The following FGF12 variants were observed in gnomAD, a reference collection of about 807,000 sequenced individuals.
The protein encoded by FGF12 is fibroblast growth factor 12B.
FGF12 carries 14 observed loss-of-function variants against 23.6 expected under a neutral mutation model. The observed-to-expected ratio is 0.59, with a 90% confidence interval of 0.39 to 0.93. FGF12 has a LOEUF of 0.93. Among genes scored for constraint, FGF12 ranks in the 40% least tolerant of loss-of-function variants. The pLI is 0.00. For synonymous variants in FGF12, 62 were observed against 77.3 expected (o/e 0.80, Z 1.04); for missense variants, 175 against 217.8 (o/e 0.80, Z 1.24).
intron 4 of FGF12, among the ~76,000 whole-genome samples, chr3:192,212,159 A>G (rs1717961061): frequency 6.6e-6 from 1 of 152,220 alleles, no homozygotes; most frequent in South Asian, 2.1e-4. Context: ...TGAGAAGTTG[A>G]TTGCTCTTCC....
intron 5 of FGF12, among the ~76,000 whole-genome samples, chr3:192,168,751 A>C (rs1253800565): frequency 2.0e-5 from 3 of 152,206 alleles, no homozygotes; most frequent in Non-Finnish European, 2.9e-5. Context: ...AGACAAAGGG[A>C]GATATGAAGA....
At chr3:192,163,613 G>A (rs922222545) in intron 5 of FGF12, among the ~76,000 whole-genome samples, 2 of 152,146 alleles carry the variant, frequency 1.3e-5, no homozygotes, top group Non-Finnish European at 2.9e-5. Context: ...TAAACCTATA[G>A]AGTCCTAGGT....
Position 192,360,365 on chromosome 3 carries a change from A to G in FGF12, c.124+63T>C. 1.7e-6 allele frequency: 2 copies of G among 1,154,398 alleles called. No individual in the cohort carries two copies. Among genetic ancestry groups the G allele is most frequent in the Middle Eastern group, 1.9e-4 (1 of 5,142 alleles). The allele number at this position is 1,154,398 out of a possible 1,614,324, so 71.5% of individuals were successfully genotyped here. On this transcript the variant is annotated intron_variant, in intron 3 of 5. Transcript: ENST00000445105. This position sits in a 1 kb window ranked among gnomAD's most constrained non-coding sequence, Gnocchi z 4.3. ...AAGGCAGCTTAGCAATGCTTTAAGT[A>G]TAAGATACACTGGGCCCTACATTTG... is the stretch of plus-strand genomic sequence containing the variant.
At chr3:192,223,839 T>A (rs1208481292) in intron 4 of FGF12, among the ~76,000 whole-genome samples, 1 of 152,154 alleles carries the variant, frequency 6.6e-6, no homozygotes, top group African/African-American at 2.4e-5. Flanking sequence ...TATTATTATA[T>A]CATTCACTAT....
intron 2 of FGF12, among the ~76,000 whole-genome samples, chr3:192,619,423 G>C (rs577385196): frequency 3.1e-4 from 47 of 152,298 alleles, no homozygotes; most frequent in African/African-American, 1.1e-3. Flanking sequence ...GCAGGACAAG[G>C]CTGAAGAAGT....
chr3:192,274,723 C>T (rs1713672762), intron 4 of FGF12, among the ~76,000 whole-genome samples: 1 of 152,180 alleles, frequency 6.6e-6, no homozygotes, highest in Non-Finnish European at 1.5e-5. Flanking sequence ...TCCAAATTAG[C>T]ATGACTGATG....
intron 2 of FGF12, among the ~76,000 whole-genome samples, chr3:192,439,976 G>GAA (rs5855427): frequency 0.046 from 5,292 of 114,018 alleles, 440 homozygotes; most frequent in African/African-American, 0.16. Flanking sequence ...ACTCCATATG[G>GAA]AAAAAAAAAA....
intron 4 of FGF12, among the ~76,000 whole-genome samples, chr3:192,188,790 G>A (rs1452021093): frequency 6.6e-6 from 1 of 152,182 alleles, no homozygotes; most frequent in Non-Finnish European, 1.5e-5. Flanking sequence ...AAGTCTGTTA[G>A]AAGACAAAGC....
At chr3:192,179,511 T>G (rs535536830) in intron 4 of FGF12, among the ~76,000 whole-genome samples, 152 of 151,632 alleles carry the variant, frequency 1.0e-3, no homozygotes, top group African/African-American at 3.3e-3. Context: ...GTTTCACATC[T>G]GTAAGTTAAG....
At chr3:192,329,847 T>A (rs879878661) in intron 4 of FGF12, among the ~76,000 whole-genome samples, 1 of 152,204 alleles carries the variant, frequency 6.6e-6, no homozygotes, top group Non-Finnish European at 1.5e-5. Flanking sequence ...TTCAACAGAT[T>A]GTAACACAGA....
intron 4 of FGF12, among the ~76,000 whole-genome samples, chr3:192,296,977 G>C (rs1458029134): frequency 6.6e-6 from 1 of 152,146 alleles, no homozygotes; most frequent in African/African-American, 2.4e-5. Flanking sequence ...TCAGCAAAGT[G>C]CCCACAAATG....
intron 2 of FGF12, among the ~76,000 whole-genome samples, chr3:192,603,696 G>A (rs1714214672): frequency 6.6e-6 from 1 of 152,108 alleles, no homozygotes; most frequent in African/African-American, 2.4e-5. Context: ...CAGGGAGTAG[G>A]TCACAAAGAT....
intron 4 of FGF12, among the ~76,000 whole-genome samples, chr3:192,187,803 T>C (rs1716558722): frequency 6.9e-6 from 1 of 145,954 alleles, no homozygotes; most frequent in South Asian, 2.2e-4. Context: ...AAGAGAAAAC[T>C]AAGAAAAGAA....
At chr3:192,517,394 G>A (rs1392846547) in intron 2 of FGF12, among the ~76,000 whole-genome samples, 1 of 152,200 alleles carries the variant, frequency 6.6e-6, no homozygotes, top group African/African-American at 2.4e-5. Context: ...GCATTTATGT[G>A]TGAGTCTTCT....
At chr3:192,400,856 T>C (rs1321403834) in intron 2 of FGF12, among the ~76,000 whole-genome samples, 1 of 152,220 alleles carries the variant, frequency 6.6e-6, no homozygotes, top group Admixed American at 6.5e-5. Flanking sequence ...GTTCTGCTCA[T>C]TCTACCTTTA....
Position 192,460,335 on chromosome 3 carries a change from G to A in FGF12, c.14-99797C>T, listed in dbSNP as rs73889343. On this transcript the variant is annotated intron_variant, in intron 2 of 5. Coordinates refer to ENST00000445105, the MANE Select transcript of FGF12 (RefSeq NM_004113.6). ...TCATGCTTAAGTTCGGGTAGGAAGA[G>A]GGAGTTTTTTCTAAATTCAGAAACC... Among the ~76,000 whole-genome samples the A allele has an allele frequency of 5.2e-3, 795 of 152,282 alleles. 9 individuals carry two copies. Among genetic ancestry groups the A allele is most frequent in the African/African-American group, 0.018 (759 of 41,560 alleles).
At chr3:192,660,963 C>A (rs1233233098) in intron 2 of FGF12, among the ~76,000 whole-genome samples, 4 of 146,256 alleles carry the variant, frequency 2.7e-5, no homozygotes, top group African/African-American at 1.0e-4. Flanking sequence ...TCTGAAAGTG[C>A]AGAAGAAAAC....
At chr3:192,168,849 A>C (rs1560176380) in intron 5 of FGF12, among the ~76,000 whole-genome samples, 1 of 152,218 alleles carries the variant, frequency 6.6e-6, no homozygotes, top group Non-Finnish European at 1.5e-5. Flanking sequence ...TAATGTCATA[A>C]TTTCTATGGG....
chr3:192,608,959 C>A (rs1714448594), intron 2 of FGF12, among the ~76,000 whole-genome samples: 1 of 152,048 alleles, frequency 6.6e-6, no homozygotes, highest in Non-Finnish European at 1.5e-5. Context: ...GAGGAGGATA[C>A]TAAAAAAGGC....
Sources: allele counts gnomAD v4.1 joint callset (sites outside exome capture counted in the v4.1 genomes callset), GRCh38; gene constraint gnomAD v4.1.1; non-coding constraint Gnocchi (gnomAD v3.1); transcripts MANE v1.5; gene names NCBI Gene and HGNC (gene_info 2026-07-23, HGNC 2026-07-21).